The following WDR7 variants were observed in gnomAD, a reference collection of about 807,000 sequenced individuals.
WDR7 encodes the protein WD repeat-containing protein 7.
WDR7 carries 46 observed loss-of-function variants against 169.4 expected under a neutral mutation model. The observed-to-expected ratio is 0.27, with a 90% confidence interval of 0.21 to 0.35. The LOEUF is 0.35. Among genes scored for constraint, WDR7 ranks in the 10% least tolerant of loss-of-function variants. The pLI, the probability that WDR7 is intolerant of heterozygous loss-of-function variation, is 1.00. For missense variants in WDR7, 1,534 were observed against 1,859.3 expected (o/e 0.83, Z 3.22); for synonymous variants, 612 against 666.8 (o/e 0.92, Z 1.27).
chr18:56,944,842 A>T (rs1451829674), intron 25 of WDR7, among the ~76,000 whole-genome samples: 2 of 152,188 alleles, frequency 1.3e-5, no homozygotes, highest in Admixed American at 1.3e-4. Context: ...AAATGTTTTC[A>T]AACCTATTAA....
At chr18:56,811,928 A>G (rs2044875871) in intron 19 of WDR7, among the ~76,000 whole-genome samples, 1 of 152,144 alleles carries the variant, frequency 6.6e-6, no homozygotes, top group African/African-American at 2.4e-5. Flanking sequence ...ATTCAGTTTC[A>G]GAATTGTTTT....
At chr18:56,889,498 A>T (rs946533140) in intron 21 of WDR7, among the ~76,000 whole-genome samples, 2 of 152,204 alleles carry the variant, frequency 1.3e-5, no homozygotes, top group Admixed American at 1.3e-4. Flanking sequence ...ATTCTCATTT[A>T]TCAGATGAAG....
intron 26 of WDR7, among the ~76,000 whole-genome samples, chr18:57,000,303 A>G (rs1165522303): frequency 1.3e-5 from 2 of 152,178 alleles, no homozygotes; most frequent in Non-Finnish European, 2.9e-5. Context: ...GGCTTAATGA[A>G]TCGTATTCTT....
intron 16 of WDR7, among the ~76,000 whole-genome samples, chr18:56,775,645 C>T (rs980036446): frequency 4.6e-5 from 7 of 151,990 alleles, no homozygotes; most frequent in Non-Finnish European, 7.4e-5. Context: ...TTGTGCAAGA[C>T]GTGCTTCTTA....
At chr18:56,707,944 A>G (rs1025023091) in intron 12 of WDR7, among the ~76,000 whole-genome samples, 2 of 151,648 alleles carry the variant, frequency 1.3e-5, no homozygotes, top group African/African-American at 2.4e-5. Flanking sequence ...TGAGGACAGT[A>G]TCTGTCAACC....
At chr18:56,734,723 G>T (rs771474388) in intron 14 of WDR7, among the ~76,000 whole-genome samples, 1 of 151,508 alleles carries the variant, frequency 6.6e-6, no homozygotes, top group African/African-American at 2.4e-5. Context: ...TTGTTCATAC[G>T]TTTCCCAAAA....
intron 25 of WDR7, among the ~76,000 whole-genome samples, chr18:56,958,701 A>G (rs1309539611): frequency 6.6e-6 from 1 of 152,114 alleles, no homozygotes; most frequent in Non-Finnish European, 1.5e-5. Flanking sequence ...CTGAAAATAC[A>G]TTTCTAGAAG....
intron 17 of WDR7, among the ~76,000 whole-genome samples, chr18:56,778,603 A>G (rs909985926): frequency 6.6e-6 from 1 of 152,094 alleles, no homozygotes. Flanking sequence ...ATCTATTTTC[A>G]CATACCTTTA....
intron 14 of WDR7, among the ~76,000 whole-genome samples, chr18:56,741,837 T>C (rs1568168791): frequency 6.6e-6 from 1 of 152,230 alleles, no homozygotes; most frequent in Non-Finnish European, 1.5e-5. Context: ...TTGGCTCTTT[T>C]CCCTTTTTAA....
intron 19 of WDR7, 149 bp from the exon 20 acceptor site, chr18:56,815,879 TTCA>T: frequency 1.6e-6 from 1 of 612,568 alleles, no homozygotes; most frequent in Non-Finnish European, 2.8e-6. Context: ...GAATGTTTTA[TTCA>T]TTGATTTGTG....
chr18:56,864,457 GA>G (rs1355500767), intron 20 of WDR7, among the ~76,000 whole-genome samples: 2 of 151,492 alleles, frequency 1.3e-5, no homozygotes, highest in African/African-American at 4.8e-5. Flanking sequence ...AATGTCTTGC[GA>G]AAATGACATT....
intron 16 of WDR7, among the ~76,000 whole-genome samples, chr18:56,771,591 A>G (rs564524721): frequency 1.0e-3 from 153 of 150,140 alleles, no homozygotes; most frequent in African/African-American, 3.5e-3. Flanking sequence ...AAAGAAAAAA[A>G]AAAATACTGG....
chr18:56,998,269 G>A (rs2047926780), intron 26 of WDR7, among the ~76,000 whole-genome samples: 1 of 152,188 alleles, frequency 6.6e-6, no homozygotes, highest in African/African-American at 2.4e-5. Flanking sequence ...CTTGGGAGCT[G>A]TGCTCGTTCC....
intron 20 of WDR7, among the ~76,000 whole-genome samples, chr18:56,836,808 C>T (rs144106326): frequency 1.3e-5 from 2 of 152,222 alleles, no homozygotes; most frequent in East Asian, 1.9e-4. Flanking sequence ...TTTATATTGG[C>T]ATATAACTTC....
At chr18:56,969,061 C>T (rs1384581328) in intron 26 of WDR7, among the ~76,000 whole-genome samples, 2 of 152,148 alleles carry the variant, frequency 1.3e-5, no homozygotes, top group Non-Finnish European at 2.9e-5. Context: ...GCCTAAACTC[C>T]AGCTCCATGA....
At chr18:56,778,939 G>T (rs1025534912) in intron 17 of WDR7, among the ~76,000 whole-genome samples, 2 of 152,044 alleles carry the variant, frequency 1.3e-5, no homozygotes, top group African/African-American at 2.4e-5. Flanking sequence ...TTAATGAGAG[G>T]TCCTCTGACA....
In WDR7 at chr18:57,027,152, A is replaced by G. The variant is rs774442812; in HGVS notation, c.4418A>G (p.Asn1473Ser). Residue 1473 changes from asparagine to serine, a missense_variant, in exon 28 of 28, where the codon AAC (asparagine) becomes AGC (serine). Physicochemically the swap from Asn to Ser is conservative, Grantham distance 46. Coordinates refer to ENST00000254442, the MANE Select transcript of WDR7 (RefSeq NM_015285.3). ...LKLARLIWTS[N>S]RNVILMAHDG... The stretch of plus-strand genomic sequence containing the variant: ...CTGGCCCGGCTCATCTGGACTTCCA[A>G]CCGCAACGTCATCCTCATGGCCCAT... 6.2e-6 allele frequency: 10 copies of G among 1,614,078 alleles called. No individual in the cohort carries two copies. The highest frequency in any genetic ancestry group is 2.2e-5 in the East Asian group (1 of 44,878).
chr18:56,935,022 A>G (rs778477282), intron 22 of WDR7, among the ~76,000 whole-genome samples: 55 of 152,258 alleles, frequency 3.6e-4, no homozygotes, highest in Non-Finnish European at 6.2e-4. Flanking sequence ...TGATATTTTC[A>G]TGTAGTAGAG....
intron 21 of WDR7, among the ~76,000 whole-genome samples, chr18:56,890,152 T>C (rs746556268): frequency 2.2e-4 from 34 of 152,158 alleles, no homozygotes; most frequent in Non-Finnish European, 3.8e-4. Context: ...TACCTGTTAT[T>C]ATGACTTTTT....
Sources: gnomAD v4.1 joint callset for allele counts (sites outside exome capture counted in the v4.1 genomes callset) on GRCh38, gnomAD v4.1.1 for gene constraint, MANE v1.5 for transcripts, NCBI Gene and HGNC (gene_info 2026-07-23, HGNC 2026-07-21) for gene names.